The following PTPRM variants were observed in gnomAD, a reference collection of about 807,000 sequenced individuals.
PTPRM encodes the protein receptor-type tyrosine-protein phosphatase mu.
A neutral mutation model predicts 186.7 loss-of-function variants in PTPRM; 47 were observed. The observed-to-expected ratio is 0.25, with a 90% CI of 0.20 to 0.32. The LOEUF (loss-of-function observed/expected upper bound fraction) is 0.32. Ranked by LOEUF, PTPRM falls within the 10% of genes least tolerant of loss-of-function variation. The pLI is 1.00. For synonymous variants in PTPRM, 668 were observed against 674.9 expected, an observed-to-expected ratio of 0.99 and a Z score of 0.16; for missense variants, 1,494 against 1,865.0, an observed-to-expected ratio of 0.80 and a Z score of 3.66.
chr18:8,401,724 C>T (rs2095873224), intron 32 of PTPRM, among the ~76,000 whole-genome samples: 1 of 152,254 alleles, frequency 6.6e-6, no homozygotes, highest in Non-Finnish European at 1.5e-5. Context: ...GACGGAGGCC[C>T]CCAGTGCCGC....
chr18:7,738,631 C>T (rs193132276), intron 1 of PTPRM, among the ~76,000 whole-genome samples: 5 of 146,202 alleles, frequency 3.4e-5, no homozygotes, highest in African/African-American at 5.4e-5. Flanking sequence ...TTAGTAGAGA[C>T]GGGGTTTCAC....
At chr18:7,677,957 A>G (rs1362090266) in intron 1 of PTPRM, among the ~76,000 whole-genome samples, 1 of 152,072 alleles carries the variant, frequency 6.6e-6, no homozygotes, top group Non-Finnish European at 1.5e-5. Flanking sequence ...CCACAGAGAC[A>G]GGATCTCTGT....
At chr18:7,728,474 T>C (rs2040592164) in intron 1 of PTPRM, among the ~76,000 whole-genome samples, 1 of 152,246 alleles carries the variant, frequency 6.6e-6, no homozygotes, top group African/African-American at 2.4e-5. Context: ...AAGGCGCAAA[T>C]TCCTGATGGC....
chr18:7,574,911 A>C (rs2036649162), intron 1 of PTPRM, among the ~76,000 whole-genome samples: 1 of 152,162 alleles, frequency 6.6e-6, no homozygotes, highest in Admixed American at 6.5e-5. Context: ...GGGCGCCTGT[A>C]GTCCCAGCTA....
intron 1 of PTPRM, among the ~76,000 whole-genome samples, chr18:7,736,711 G>A (rs2040777901): frequency 6.6e-6 from 1 of 152,174 alleles, no homozygotes. Context: ...AGGGCAGGGA[G>A]TTTCACAATG....
chr18:7,872,111 T>A (rs1223547958), intron 2 of PTPRM, among the ~76,000 whole-genome samples: 1 of 152,246 alleles, frequency 6.6e-6, no homozygotes, highest in Non-Finnish European at 1.5e-5. Context: ...GATATAGATG[T>A]ATCAAATTAC....
chr18:7,786,947 G>A (rs552976991), intron 2 of PTPRM, among the ~76,000 whole-genome samples: 1 of 152,370 alleles, frequency 6.6e-6, no homozygotes, highest in African/African-American at 2.4e-5. Context: ...GGCTGGATGA[G>A]TCAGTTCAGA....
intron 7 of PTPRM, among the ~76,000 whole-genome samples, chr18:8,050,260 C>T (rs757382310): frequency 1.3e-5 from 2 of 152,050 alleles, no homozygotes; most frequent in Admixed American, 6.6e-5. Context: ...ATAGTTGTGA[C>T]GTAATAATGG....
intron 14 of PTPRM, among the ~76,000 whole-genome samples, chr18:8,151,452 C>T (rs901801384): frequency 6.6e-6 from 1 of 151,520 alleles, no homozygotes; most frequent in African/African-American, 2.4e-5. Flanking sequence ...ACTCAAGCCT[C>T]AGCAATGGCA....
intron 10 of PTPRM, 140 bp downstream of exon 10, chr18:8,086,012 C>T (rs1323683175): frequency 1.3e-6 from 1 of 777,716 alleles, no homozygotes; most frequent in African/African-American, 1.7e-5. Flanking sequence ...AGCTCAGACT[C>T]ACAGCTTTAA....
intron 2 of PTPRM, among the ~76,000 whole-genome samples, chr18:7,827,732 C>T (rs544519509): frequency 8.3e-4 from 126 of 152,334 alleles, no homozygotes; most frequent in African/African-American, 2.9e-3. Flanking sequence ...CATGGTTGAA[C>T]TGGTAGTGTT....
intron 1 of PTPRM, among the ~76,000 whole-genome samples, chr18:7,680,207 C>T (rs940425880): frequency 1.3e-5 from 2 of 152,078 alleles, no homozygotes; most frequent in African/African-American, 2.4e-5. Flanking sequence ...ATACAATTGA[C>T]GGAAGCTATA....
intron 14 of PTPRM, among the ~76,000 whole-genome samples, chr18:8,178,456 G>A (rs974551162): frequency 1.3e-5 from 2 of 152,140 alleles, no homozygotes; most frequent in African/African-American, 4.8e-5. Flanking sequence ...ATCACAGCAA[G>A]AATAATTATT....
chr18:7,812,969 G>C (rs942669846), intron 2 of PTPRM, among the ~76,000 whole-genome samples: 13 of 152,192 alleles, frequency 8.5e-5, no homozygotes, highest in Non-Finnish European at 1.9e-4. Context: ...ACCTGACATG[G>C]CTTCTTTGTG....
At chr18:7,585,325 A>G (rs1427836541) in intron 1 of PTPRM, among the ~76,000 whole-genome samples, 1 of 152,158 alleles carries the variant, frequency 6.6e-6, no homozygotes, top group Non-Finnish European at 1.5e-5. Context: ...GGCTGTGGTT[A>G]TCTTAGAGTA....
intron 13 of PTPRM, among the ~76,000 whole-genome samples, chr18:8,136,905 A>G (rs2146018791): frequency 6.6e-6 from 1 of 152,356 alleles, no homozygotes; most frequent in East Asian, 1.9e-4. Flanking sequence ...AAGAAAAAGT[A>G]TAGAAATTTA....
intron 20 of PTPRM, among the ~76,000 whole-genome samples, chr18:8,297,938 T>C (rs571812656): frequency 5.3e-5 from 8 of 152,330 alleles, no homozygotes; most frequent in Admixed American, 4.6e-4. Flanking sequence ...TCCTGAGGTC[T>C]AGGGTTGATT....
At chr18:7,973,405 AT>A (rs2054706340) in intron 7 of PTPRM, among the ~76,000 whole-genome samples, 1 of 152,126 alleles carries the variant, frequency 6.6e-6, no homozygotes, top group African/African-American at 2.4e-5. Context: ...AATATTAATG[AT>A]CTTTTAAAAC....
At chr18:8,166,119 C>T (rs2093320129) in intron 14 of PTPRM, among the ~76,000 whole-genome samples, 1 of 152,152 alleles carries the variant, frequency 6.6e-6, no homozygotes, top group South Asian at 2.1e-4. Context: ...GTTTATTGAT[C>T]CACTGCAGAA....
Sources: gnomAD v4.1 joint callset for allele counts (sites outside exome capture counted in the v4.1 genomes callset) on GRCh38, gnomAD v4.1.1 for gene constraint, MANE v1.5 for transcripts, NCBI Gene and HGNC (gene_info 2026-07-23, HGNC 2026-07-21) for gene names.